SH3PXD2A: variants seen among roughly 807,000 people sequenced by gnomAD.
SH3PXD2A encodes SH3 and PX domain-containing protein 2A.
SH3PXD2A carries 32 observed loss-of-function variants against 115.2 expected under a neutral mutation model. That is an observed-to-expected ratio of 0.28 (90% CI 0.21 to 0.37). The LOEUF (loss-of-function observed/expected upper bound fraction) is 0.37, where lower values mean the gene tolerates loss of function less well. Among genes scored for constraint, SH3PXD2A ranks in the 10% least tolerant of loss-of-function variants. The pLI, the probability that SH3PXD2A is intolerant of heterozygous loss-of-function variation, is 1.00. For missense variants in SH3PXD2A, 1,328 were observed against 1,498.7 expected (o/e 0.89, Z 1.88); for synonymous variants, 610 against 629.1 (o/e 0.97, Z 0.45).
At chr10:103,685,644 C>T (rs570147239) in intron 6 of SH3PXD2A, among the ~76,000 whole-genome samples, 83 of 152,268 alleles carry the variant, frequency 5.5e-4, no homozygotes, top group Admixed American at 1.6e-3. Flanking sequence ...AGGCCAGGCA[C>T]GGTGCTGGAG....
At chr10:103,775,572 C>T (rs945608125) in intron 2 of SH3PXD2A, among the ~76,000 whole-genome samples, 3 of 152,180 alleles carry the variant, frequency 2.0e-5, no homozygotes, top group African/African-American at 7.2e-5. Flanking sequence ...GGGACTTATG[C>T]TCGGCAGTGG....
At chr10:103,736,669 A>G in intron 3 of SH3PXD2A, 1 of 820,620 alleles carries the variant, frequency 1.2e-6, no homozygotes, top group Non-Finnish European at 1.8e-6. Flanking sequence ...TCTTTCCAGA[A>G]CATCCACAAC....
At chr10:103,834,813 G>A (rs930086208) in intron 1 of SH3PXD2A, among the ~76,000 whole-genome samples, 6 of 152,186 alleles carry the variant, frequency 3.9e-5, no homozygotes, top group Admixed American at 1.3e-4. Flanking sequence ...TCACATGGCC[G>A]GTGGTGAACT....
intron 8 of SH3PXD2A, among the ~76,000 whole-genome samples, chr10:103,644,546 A>G (rs560426980): frequency 1.4e-5 from 2 of 146,338 alleles, no homozygotes; most frequent in South Asian, 4.3e-4. Flanking sequence ...TGATCATGCC[A>G]CTGTACTCTA....
At chr10:103,820,731 G>T (rs2039371020) in intron 1 of SH3PXD2A, among the ~76,000 whole-genome samples, 2 of 152,184 alleles carry the variant, frequency 1.3e-5, no homozygotes, top group African/African-American at 4.8e-5. Context: ...CCAGATAAGG[G>T]GCGGGGGGGT....
chr10:103,793,008 G>T (rs919993651), intron 2 of SH3PXD2A, among the ~76,000 whole-genome samples: 39 of 152,024 alleles, frequency 2.6e-4, no homozygotes, highest in African/African-American at 9.2e-4. Context: ...TTTCACCTGT[G>T]CTTTCTGTCC....
chr10:103,603,388 C>T lies in SH3PXD2A; in HGVS notation c.1830G>A (p.Glu610=). 6.2e-7 allele frequency: 1 copy of T among 1,614,176 alleles called. No individual in the cohort carries two copies. The highest frequency in any genetic ancestry group is 1.3e-5 in the African/African-American group (1 of 75,060). Residue 610 remains glutamate, a synonymous_variant, in exon 15 of 15, where the codon GAG becomes GAA. Coordinates refer to ENST00000369774, the MANE Select transcript of SH3PXD2A (RefSeq NM_001394015.1). ...RARFKVGESS[E]DVALEEETIY... ...TGGTCTCCTCTTCCAGGGCCACATC[C>T]TCTGAAGACTCACCCACCTTGAAGC...
chr10:103,680,259 G>A (rs1184538170), intron 6 of SH3PXD2A, among the ~76,000 whole-genome samples: 2 of 151,720 alleles, frequency 1.3e-5, no homozygotes, highest in African/African-American at 4.8e-5. Context: ...GATTACAGGC[G>A]TGAGCTACCA....
intron 3 of SH3PXD2A, among the ~76,000 whole-genome samples, chr10:103,740,744 T>C (rs965561399): frequency 1.3e-5 from 2 of 152,232 alleles, no homozygotes; most frequent in African/African-American, 4.8e-5. Flanking sequence ...AACTCCTTTT[T>C]CCCTGTCTTT....
At chr10:103,760,044 GAC>G in intron 3 of SH3PXD2A, among the ~76,000 whole-genome samples, 1 of 152,366 alleles carries the variant, frequency 6.6e-6, no homozygotes. Flanking sequence ...AGCCTTAGAA[GAC>G]AGAGGTAGTG....
intron 6 of SH3PXD2A, chr10:103,678,254 G>T: frequency 5.2e-6 from 4 of 774,346 alleles, no homozygotes; most frequent in Non-Finnish European, 7.7e-6. Flanking sequence ...CCTCTGCGTG[G>T]GTCCAGACCA....
intron 5 of SH3PXD2A, among the ~76,000 whole-genome samples, chr10:103,700,888 A>G (rs1410854965): frequency 6.6e-6 from 1 of 152,140 alleles, no homozygotes; most frequent in African/African-American, 2.4e-5. Context: ...CCCTGAGGAG[A>G]AGGTCAAGGA....
At chr10:103,654,252 G>A (rs1217516453) in intron 8 of SH3PXD2A, among the ~76,000 whole-genome samples, 1 of 152,132 alleles carries the variant, frequency 6.6e-6, no homozygotes, top group African/African-American at 2.4e-5. Context: ...GCTGGGACAA[G>A]GATAACTGCC....
intron 3 of SH3PXD2A, among the ~76,000 whole-genome samples, chr10:103,757,404 G>A (rs743241): frequency 0.49 from 74,791 of 151,990 alleles, 18,544 homozygotes; most frequent in Middle Eastern, 0.52. Flanking sequence ...GAGACCATGA[G>A]AAGAGACAGG....
At chr10:103,769,322 G>A (rs1243506027) in intron 2 of SH3PXD2A, among the ~76,000 whole-genome samples, 2 of 152,022 alleles carry the variant, frequency 1.3e-5, no homozygotes, top group Middle Eastern at 3.2e-3. Flanking sequence ...TGAAGGGCAG[G>A]TCACCGGTGA....
At chr10:103,836,888 T>C (rs1015261537) in intron 1 of SH3PXD2A, among the ~76,000 whole-genome samples, 35 of 152,346 alleles carry the variant, frequency 2.3e-4, no homozygotes, top group African/African-American at 7.2e-4. Context: ...GTCTTGCTCA[T>C]ATATGTCACC....
intron 3 of SH3PXD2A, chr10:103,754,442 C>T (rs1036940231): frequency 5.3e-5 from 8 of 152,140 alleles, no homozygotes; most frequent in East Asian, 1.9e-4. Context: ...AACAGTACGA[C>T]GTAACTCCAG....
chr10:103,799,404 C>T (rs1383589033), intron 2 of SH3PXD2A, among the ~76,000 whole-genome samples: 5 of 152,258 alleles, frequency 3.3e-5, no homozygotes, highest in African/African-American at 7.2e-5. Flanking sequence ...CCAACCCCTT[C>T]CCAAACTGCA....
chr10:103,666,999 G>T lies in SH3PXD2A; in HGVS notation c.472+1609C>A, dbSNP rs2037391415. Among the ~76,000 whole-genome samples, 1 of 152,134 alleles carries T rather than the reference G, an allele frequency of 6.6e-6. No homozygotes were observed. Among genetic ancestry groups the T allele is most frequent in the African/African-American group, 2.4e-5 (1 of 41,424 alleles). On this transcript the variant is annotated intron_variant, in intron 7 of 14. Transcript: ENST00000369774. The surrounding 1 kb of genome is among the most constrained non-coding windows in gnomAD (Gnocchi z 4.5). Reference sequence around the variant, plus strand: ...ATTGAGAGGCAGCTCAGAGCCCCCTGGGCCTACTCTGGGGGGATGCCAGGC... The same window carrying T: ...ATTGAGAGGCAGCTCAGAGCCCCCTTGGCCTACTCTGGGGGGATGCCAGGC...
Sources: gnomAD v4.1 joint callset for allele counts (sites outside exome capture counted in the v4.1 genomes callset) on GRCh38, gnomAD v4.1.1 for gene constraint, Gnocchi (gnomAD v3.1) non-coding constraint, MANE v1.5 for transcripts, NCBI Gene and HGNC (gene_info 2026-07-23, HGNC 2026-07-21) for gene names.